Variants in INPP5B observed in about 807,000 individuals in gnomAD.
INPP5B encodes inositol polyphosphate-5-phosphatase B.
Under a neutral mutation model 118.5 loss-of-function variants are expected in INPP5B, and 90 were observed. The observed-to-expected ratio is 0.76, with a 90% confidence interval of 0.64 to 0.90. The LOEUF (loss-of-function observed/expected upper bound fraction) is 0.90. Among genes scored for constraint, INPP5B ranks in the 40% least tolerant of loss-of-function variants. INPP5B has a pLI of 0.00. For missense variants in INPP5B, 984 were observed against 1,125.6 expected, an observed-to-expected ratio of 0.87 and a Z score of 1.80; for synonymous variants, 385 against 418.9, an observed-to-expected ratio of 0.92 and a Z score of 0.99.
chr1:37,933,321 G>C (rs1217022134), intron 6 of INPP5B, among the ~76,000 whole-genome samples: 2 of 152,202 alleles, frequency 1.3e-5, no homozygotes, highest in African/African-American at 4.8e-5. Context: ...GGCTGAGGCG[G>C]GCAGATCACG....
intron 7 of INPP5B, among the ~76,000 whole-genome samples, chr1:37,910,226 G>A (rs751536428): frequency 2.4e-4 from 37 of 152,218 alleles, no homozygotes; most frequent in Middle Eastern, 3.4e-3. Context: ...TTATCAATAC[G>A]GAAGCTACAC....
At chr1:37,895,654 A>G (rs1644006868) in intron 7 of INPP5B, among the ~76,000 whole-genome samples, 1 of 151,972 alleles carries the variant, frequency 6.6e-6, no homozygotes, top group Non-Finnish European at 1.5e-5. Flanking sequence ...CTGCGATTGC[A>G]GGCGCGCGCC....
At chr1:37,871,732 G>A (rs917550553) in intron 19 of INPP5B, among the ~76,000 whole-genome samples, 17 of 151,276 alleles carry the variant, frequency 1.1e-4, no homozygotes, top group African/African-American at 3.6e-4. Context: ...GTGAAATCCC[G>A]TCTCTACTAA....
At chr1:37,894,400 G>C (rs1341591311) in intron 7 of INPP5B, among the ~76,000 whole-genome samples, 2 of 152,054 alleles carry the variant, frequency 1.3e-5, no homozygotes, top group African/African-American at 2.4e-5. Context: ...TTCCCAGTTA[G>C]ACTGTAAGCT....
intron 7 of INPP5B, among the ~76,000 whole-genome samples, chr1:37,925,289 A>T (rs1645188047): frequency 6.6e-6 from 1 of 152,160 alleles, no homozygotes. Flanking sequence ...CTTGACATCC[A>T]CTTTGTTTAA....
intron 7 of INPP5B, among the ~76,000 whole-genome samples, chr1:37,918,796 C>T (rs1280542816): frequency 6.6e-6 from 1 of 152,178 alleles, no homozygotes; most frequent in Non-Finnish European, 1.5e-5. Context: ...ACGAACCTAG[C>T]ACAATGCCTG....
chr1:37,917,666 T>A (rs1644920760), intron 7 of INPP5B, among the ~76,000 whole-genome samples: 1 of 152,040 alleles, frequency 6.6e-6, no homozygotes, highest in South Asian at 2.1e-4. Flanking sequence ...AAATTAAGTT[T>A]AGCCTGTAAT....
At chr1:37,871,394 G>A (rs1569987764) in intron 19 of INPP5B, among the ~76,000 whole-genome samples, 2 of 152,006 alleles carry the variant, frequency 1.3e-5, no homozygotes, top group East Asian at 3.9e-4. Context: ...GGAGGCAGAG[G>A]TTGCAGTAAG....
At chr1:37,878,444 A>G in intron 15 of INPP5B, 121 bp from the exon 16 acceptor site, 4 of 1,483,558 alleles carry the variant, frequency 2.7e-6, no homozygotes, top group Non-Finnish European at 3.6e-6. Flanking sequence ...TGGCTAAGTC[A>G]TCTGAGGCAG....
intron 7 of INPP5B, chr1:37,928,701 G>C (rs1373241233): frequency 6.6e-6 from 1 of 151,930 alleles, no homozygotes; most frequent in African/African-American, 2.4e-5. Context: ...TCGTCATGTT[G>C]CCCAGCCTGG....
At chr1:37,931,534 G>A in intron 7 of INPP5B, 4 of 1,536,202 alleles carry the variant, frequency 2.6e-6, no homozygotes, top group Non-Finnish European at 3.5e-6. Flanking sequence ...CAGTGTCCCA[G>A]CCTCCAGAGG....
intron 7 of INPP5B, among the ~76,000 whole-genome samples, chr1:37,896,162 G>A (rs1234357685): frequency 6.6e-6 from 1 of 150,462 alleles, no homozygotes; most frequent in Non-Finnish European, 1.5e-5. Context: ...CCTCTGCCCT[G>A]CCGCCCCGTC....
intron 7 of INPP5B, among the ~76,000 whole-genome samples, chr1:37,922,128 G>A (rs931389019): frequency 6.6e-6 from 1 of 152,166 alleles, no homozygotes; most frequent in African/African-American, 2.4e-5. Flanking sequence ...CTTGAACATG[G>A]GAGGTGAAGG....
chr1:37,867,594 T>C (rs968077488), intron 20 of INPP5B, among the ~76,000 whole-genome samples: 6 of 152,182 alleles, frequency 3.9e-5, no homozygotes, highest in Non-Finnish European at 8.8e-5. Context: ...ACACTGCAAC[T>C]TTCAATAAAT....
intron 7 of INPP5B, among the ~76,000 whole-genome samples, chr1:37,919,064 G>A (rs1476638096): frequency 6.6e-6 from 1 of 152,184 alleles, no homozygotes; most frequent in Non-Finnish European, 1.5e-5. Context: ...AGATCTGCTT[G>A]ACTCCAAAGT....
intron 3 of INPP5B, among the ~76,000 whole-genome samples, chr1:37,945,017 C>T (rs1423358116): frequency 2.0e-5 from 3 of 152,062 alleles, no homozygotes; most frequent in African/African-American, 7.2e-5. Context: ...GCCTAAAATT[C>T]CAACACTTTG....
Position 37,932,006 on chromosome 1 carries a change from A to C in INPP5B, c.439T>G (p.Tyr147Asp). 6.2e-7 allele frequency: 1 copy of C among 1,609,188 alleles called. No homozygotes were observed. ...TCCAGCTCCAGCTCTGCGCACCTAT[A>C]CCGAGACAGCCACAGGAATTCAGGA... The part of the protein sequence containing the change: ...RDPEFLWLSR[Y>D]RCAELELEMP... Residue 147 changes from tyrosine (Y) to aspartate (D), a missense_variant, in exon 7 of 24, where the codon TAT becomes GAT. This residue lies in a region of INPP5B where 350 missense variants were observed against 334.6 expected (regional missense o/e 1.05). Transcript: ENST00000373024.
At chr1:37,870,218 T>A (rs1174718312) in intron 19 of INPP5B, among the ~76,000 whole-genome samples, 4 of 151,984 alleles carry the variant, frequency 2.6e-5, no homozygotes, top group African/African-American at 9.7e-5. Context: ...CCAGGCTCCC[T>A]CCCACCTTGG....
chr1:37,917,225 G>T (rs1313708668), intron 7 of INPP5B, among the ~76,000 whole-genome samples: 1 of 144,124 alleles, frequency 6.9e-6, no homozygotes, highest in Non-Finnish European at 1.5e-5. Context: ...GGAGGCAGAG[G>T]TTGCAGTGAG....
Sources: allele counts gnomAD v4.1 joint callset (sites outside exome capture counted in the v4.1 genomes callset), GRCh38; gene constraint gnomAD v4.1.1; regional missense constraint gnomAD v4.1.1; transcripts MANE v1.5; gene names NCBI Gene and HGNC (gene_info 2026-07-23, HGNC 2026-07-21).